MPDZ: variants seen among roughly 807,000 people sequenced by gnomAD.
The protein encoded by MPDZ is multiple PDZ domain crumbs cell polarity complex component.
Under a neutral mutation model 239.1 loss-of-function variants are expected in MPDZ, and 234 were observed. The ratio of observed to expected loss-of-function variants is 0.98; its 90% CI spans 0.88 to 1.09. The LOEUF (loss-of-function observed/expected upper bound fraction) is 1.09, where lower values mean the gene tolerates loss of function less well. MPDZ is among the 50% of genes least tolerant of loss of function. The pLI, the probability that MPDZ is intolerant of heterozygous loss-of-function variation, is 0.00. For missense variants in MPDZ, 3,175 were observed against 2,510.0 expected, an observed-to-expected ratio of 1.26 and a Z score of -5.66; for synonymous variants, 1,048 against 881.3, an observed-to-expected ratio of 1.19 and a Z score of -3.35.
intron 12 of MPDZ, among the ~76,000 whole-genome samples, chr9:13,202,594 T>C (rs1956518182): frequency 6.6e-6 from 1 of 152,182 alleles, no homozygotes; most frequent in Non-Finnish European, 1.5e-5. Context: ...CCAAGTGCTT[T>C]AGCCCTCCTG....
chr9:13,126,873 T>C, intron 32 of MPDZ, 101 bp from the exon 33 acceptor site: 1 of 930,094 alleles, frequency 1.1e-6, no homozygotes, highest in South Asian at 1.5e-5. Flanking sequence ...TCTTCTGAAG[T>C]CCAGAAATCT....
chr9:13,274,332 C>T (rs1473836209), intron 1 of MPDZ, among the ~76,000 whole-genome samples: 1 of 151,078 alleles, frequency 6.6e-6, no homozygotes, highest in African/African-American at 2.4e-5. Context: ...TCACTTTCCC[C>T]TCATGCACTT....
intron 10 of MPDZ, among the ~76,000 whole-genome samples, chr9:13,213,358 C>G: frequency 1.3e-5 from 2 of 152,076 alleles, no homozygotes; most frequent in Middle Eastern, 6.8e-3. Context: ...TACAAAATAA[C>G]TCTTCAAAAT....
intron 40 of MPDZ, among the ~76,000 whole-genome samples, chr9:13,114,891 C>T (rs1163403845): frequency 6.6e-6 from 1 of 151,668 alleles, no homozygotes; most frequent in Non-Finnish European, 1.5e-5. Context: ...CAGAGCGAGA[C>T]TCTGTCTCAA....
At chr9:13,137,278 C>A (rs1946964442) in intron 29 of MPDZ, among the ~76,000 whole-genome samples, 1 of 152,160 alleles carries the variant, frequency 6.6e-6, no homozygotes, top group Non-Finnish European at 1.5e-5. Context: ...AGGCAGCAAA[C>A]TGTGCCTAAA....
At chr9:13,154,562 CAG>C (rs1214258202) in intron 24 of MPDZ, among the ~76,000 whole-genome samples, 2 of 152,158 alleles carry the variant, frequency 1.3e-5, no homozygotes, top group Non-Finnish European at 2.9e-5. Context: ...AGTCTCTACA[CAG>C]AGTTTCTGTG....
chr9:13,123,245 G>A lies in MPDZ; in HGVS notation c.4861C>T (p.Pro1621Ser). 2.5e-6 allele frequency: 4 copies of A among 1,613,436 alleles called. No individual in the cohort carries two copies. Among genetic ancestry groups the A allele is most frequent in the South Asian group, 1.1e-5 (1 of 90,966 alleles). Residue 1621 changes from proline to serine, a missense_variant, in exon 36 of 47, where the codon CCC becomes TCC. Coordinates refer to ENST00000319217, the MANE Select transcript of MPDZ (RefSeq NM_001378778.1). ...AIFASDPATC[P>S]IIPGCETTIE... ...GTTGTTTCGCAGCCAGGGATAATGGGGCAGGTTGCAGGATCAGAAGCAAAA... is the reference window on the plus strand; with the variant it reads ...GTTGTTTCGCAGCCAGGGATAATGGAGCAGGTTGCAGGATCAGAAGCAAAA...
rs1955647628 is a variant in MPDZ at position 13,196,353 on chromosome 9, T to A, written c.1547-123A>T. Reference sequence around the variant, plus strand: ...CACGTCAGACTCTTCGCCCAATATATGGGCTATTCTCATCTCCATAATTAT... The same window carrying A: ...CACGTCAGACTCTTCGCCCAATATAAGGGCTATTCTCATCTCCATAATTAT... On this transcript the variant is annotated intron_variant, in intron 12 of 46. Coordinates refer to ENST00000319217, the MANE Select transcript of MPDZ (RefSeq NM_001378778.1). 1.7e-5 allele frequency: 9 copies of A among 534,888 alleles called. No individual in the cohort carries two copies. In the Admixed American group the frequency reaches 1.7e-4, roughly 10 times the overall value. 33.1% of individuals were successfully genotyped at this position (534,888 alleles called of 1,614,324 possible). A position where few individuals can be genotyped will look rare whatever the true frequency, so the allele number is the denominator to read the frequency against.
chr9:13,112,794 T>A (rs551850841), intron 42 of MPDZ, among the ~76,000 whole-genome samples: 2 of 152,324 alleles, frequency 1.3e-5, no homozygotes, highest in African/African-American at 4.8e-5. Context: ...TATGCTATTT[T>A]CAGCAAAACA....
Position 13,123,084 on chromosome 9 carries a change from T to A in MPDZ, c.4953+69A>T, listed in dbSNP as rs531965046. The A allele has an allele frequency of 2.9e-4, 423 of 1,444,860 alleles. 2 individuals carry two copies. In the South Asian group the frequency reaches 5.9e-3, roughly 20 times the overall value. 89.5% of individuals were successfully genotyped at this position (1,444,860 alleles called of 1,614,324 possible). ...TCCTTTACTAGAACTGATAGAAATC[T>A]CCCCATAATCGTCTCTGAGGCCTGG... On this transcript the variant is annotated intron_variant, in intron 36 of 46. Coordinates refer to ENST00000319217, the MANE Select transcript of MPDZ (RefSeq NM_001378778.1).
intron 10 of MPDZ, among the ~76,000 whole-genome samples, chr9:13,215,120 C>T (rs1282134270): frequency 6.6e-6 from 1 of 151,930 alleles, no homozygotes; most frequent in Admixed American, 6.6e-5. Context: ...TGAACAACTC[C>T]TCATTTCCCC....
intron 18 of MPDZ, 95 bp from the exon 19 acceptor site, chr9:13,183,680 T>G: frequency 8.7e-7 from 1 of 1,148,002 alleles, no homozygotes; most frequent in South Asian, 1.3e-5. Context: ...ACTGGTATCA[T>G]TCTTTTATCT....
intron 1 of MPDZ, among the ~76,000 whole-genome samples, chr9:13,267,647 A>G (rs1972067302): frequency 6.6e-6 from 1 of 152,222 alleles, no homozygotes; most frequent in Non-Finnish European, 1.5e-5. Context: ...GTATCAATTT[A>G]TCTGAGAAAA....
intron 1 of MPDZ, chr9:13,274,715 T>C (rs1243097061): frequency 1.3e-5 from 2 of 152,016 alleles, no homozygotes; most frequent in Non-Finnish European, 2.9e-5. Flanking sequence ...GGAAAAAAGA[T>C]TATGCCATAC....
At chr9:13,144,156 G>C (rs1201306762) in intron 26 of MPDZ, among the ~76,000 whole-genome samples, 4 of 151,972 alleles carry the variant, frequency 2.6e-5, no homozygotes, top group Non-Finnish European at 5.9e-5. Flanking sequence ...AACTCCTGTA[G>C]AGTGGTGTTC....
chr9:13,161,786 G>A (rs536922404), intron 23 of MPDZ, among the ~76,000 whole-genome samples: 1 of 152,196 alleles, frequency 6.6e-6, no homozygotes, highest in South Asian at 2.1e-4. Context: ...TCAGTCAGCA[G>A]CAGCATCAAA....
chr9:13,137,163 A>C (rs1946945315), intron 29 of MPDZ, among the ~76,000 whole-genome samples: 1 of 152,094 alleles, frequency 6.6e-6, no homozygotes, highest in Non-Finnish European at 1.5e-5. Flanking sequence ...GACCTGCAAG[A>C]CCATCCTGGG....
At chr9:13,279,250 T>TCCCCCC (rs1564192119) in intron 1 of MPDZ, 150 bp downstream of exon 1, 5 of 45,904 alleles carry the variant, frequency 1.1e-4, no homozygotes, top group African/African-American at 1.9e-4. Flanking sequence ...CCGCCACCCC[T>TCCCCCC]ACCCCCACCC....
intron 12 of MPDZ, among the ~76,000 whole-genome samples, chr9:13,196,496 A>G (rs1955665021): frequency 6.6e-6 from 1 of 152,172 alleles, no homozygotes; most frequent in African/African-American, 2.4e-5. Context: ...ATTTTTATTT[A>G]AACGAGTAAG....
Sources: gnomAD v4.1 joint callset for allele counts (sites outside exome capture counted in the v4.1 genomes callset) on GRCh38, gnomAD v4.1.1 for gene constraint, MANE v1.5 for transcripts, NCBI Gene and HGNC (gene_info 2026-07-23, HGNC 2026-07-21) for gene names.